The following GNAI3 variants were observed in gnomAD, a reference collection of about 807,000 sequenced individuals.
The protein encoded by GNAI3 is G protein subunit alpha i3.
In GNAI3, 12 loss-of-function variants were observed where a neutral mutation model predicts 41.8. The ratio of observed to expected loss-of-function variants is 0.29; its 90% CI spans 0.18 to 0.47. The LOEUF is 0.47. GNAI3 is among the 20% of genes least tolerant of loss of function. The probability of loss-of-function intolerance (pLI) is 1.00; values close to 1 mark genes in which losing one functional copy is unlikely to be tolerated. For synonymous variants in GNAI3, 132 were observed against 146.5 expected (o/e 0.90, Z 0.71); for missense variants, 360 against 429.6 (o/e 0.84, Z 1.43).
Position 109,595,392 on chromosome 1 carries a change from A to AT in GNAI3, c.*3071dup, listed in dbSNP as rs1398656823. Reference sequence around the variant, plus strand: ...ATTCTAAATCTCTAGTTCACAGTGAATCGTTTTTTAAATTTTTACTGATGG... The same window carrying AT: ...ATTCTAAATCTCTAGTTCACAGTGAATTCGTTTTTTAAATTTTTACTGATGG... On this transcript the variant is annotated 3_prime_UTR_variant, in exon 9 of 9. Coordinates refer to ENST00000369851, the MANE Select transcript of GNAI3 (RefSeq NM_006496.4). The AT allele has an allele frequency of 2.6e-5, 4 of 152,206 alleles. No homozygotes were observed. In the East Asian group the frequency reaches 5.8e-4, roughly 22 times the overall value. The allele number at this position is 152,206 out of a possible 1,614,324, so 9.4% of individuals were successfully genotyped here. A position where few individuals can be genotyped will look rare whatever the true frequency, so the allele number is the denominator to read the frequency against.
intron 5 of GNAI3, 145 bp downstream of exon 5, chr1:109,582,710 A>C (rs577957303): frequency 1.9e-6 from 1 of 524,804 alleles, no homozygotes; most frequent in East Asian, 3.0e-5. Flanking sequence ...TGAATATTTT[A>C]ACTGAATGGG....
chr1:109,548,992 G>T (rs1396860614), intron 1 of GNAI3, among the ~76,000 whole-genome samples, 154 bp downstream of exon 1: 1 of 151,408 alleles, frequency 6.6e-6, no homozygotes, highest in Non-Finnish European at 1.5e-5. Context: ...CCTAGCTGAG[G>T]CCCCAGAGGG....
chr1:109,590,325 A>G (rs990045630), intron 7 of GNAI3, among the ~76,000 whole-genome samples: 1 of 152,220 alleles, frequency 6.6e-6, no homozygotes, highest in Admixed American at 6.5e-5. Flanking sequence ...AGAGCCTTTA[A>G]TATCATTTCC....
intron 4 of GNAI3, among the ~76,000 whole-genome samples, chr1:109,580,858 CTG>C (rs1382874251): frequency 1.3e-5 from 2 of 152,214 alleles, no homozygotes; most frequent in Non-Finnish European, 2.9e-5. Context: ...CAGCACATGA[CTG>C]TATTTGAAAA....
intron 1 of GNAI3, among the ~76,000 whole-genome samples, chr1:109,557,944 A>G (rs1178726413): frequency 1.3e-5 from 2 of 152,190 alleles, no homozygotes; most frequent in Non-Finnish European, 2.9e-5. Context: ...ATGTTTAATA[A>G]AGAGATGACA....
rs1186212079 is a variant in GNAI3, at chr1:109,586,282, A to G, written c.657A>G (p.Thr219=). The G allele has an allele frequency of 1.9e-6, 3 of 1,613,424 alleles. No homozygotes were observed. The highest frequency in any genetic ancestry group is 1.3e-5 in the African/African-American group (1 of 75,038). Residue 219 remains threonine (T), a synonymous_variant, in exon 6 of 9, where the codon ACA becomes ACG. Transcript: ENST00000369851. ...GGATTCACTGTTTTGAGGGAGTGACAGCAATTATCTTCTGTGTGGCCCTCA... is the reference window on the plus strand; with the variant it reads ...GGATTCACTGTTTTGAGGGAGTGACGGCAATTATCTTCTGTGTGGCCCTCA... ...KKWIHCFEGV[T]AIIFCVALSD...
chr1:109,565,250 C>CA (rs527332111), intron 1 of GNAI3, among the ~76,000 whole-genome samples: 9,399 of 80,948 alleles, frequency 0.12, 767 homozygotes, highest in African/African-American at 0.29. Flanking sequence ...GACTCCGTCT[C>CA]AAAAAAAAAA....
Position 109,573,726 on chromosome 1 carries a change from T to G in GNAI3, c.119-11T>G. ...CCGAGAAATTCAAAGTCTGGTTTTC[T>G]TTTCTTACAGGTGCTGGAGAATCTG... On this transcript the variant is annotated splice_polypyrimidine_tract_variant and intron_variant, in intron 1 of 8. Coordinates refer to ENST00000369851, the MANE Select transcript of GNAI3 (RefSeq NM_006496.4). 1 of 1,599,934 alleles carries G rather than the reference T, an allele frequency of 6.3e-7. No homozygotes were observed. The highest frequency in any genetic ancestry group is 8.6e-7 in the Non-Finnish European group (1 of 1,167,328).
intron 1 of GNAI3, among the ~76,000 whole-genome samples, chr1:109,556,906 A>T (rs1648168539): frequency 6.6e-6 from 1 of 152,196 alleles, no homozygotes; most frequent in Non-Finnish European, 1.5e-5. Flanking sequence ...ACATTTTAAA[A>T]ATCTCAGACT....
At chr1:109,571,920 A>G (rs1557906972) in intron 1 of GNAI3, among the ~76,000 whole-genome samples, 1 of 151,908 alleles carries the variant, frequency 6.6e-6, no homozygotes. Flanking sequence ...TCTGTCTCCA[A>G]AAAATAAAGA....
chr1:109,587,292 A>G (rs1649052669), intron 7 of GNAI3, among the ~76,000 whole-genome samples: 1 of 152,208 alleles, frequency 6.6e-6, no homozygotes, highest in African/African-American at 2.4e-5. Context: ...TGTTGAAGAA[A>G]ATACAAGGGT....
chr1:109,599,689 C>G lies in GNAI3; in HGVS notation c.*7367C>G, dbSNP rs2101118202. ...ATTTTACCTTCAACAAACAAGCAAACTTAGTTATATTTTTGTGATTTTATG... is the reference window on the plus strand; with the variant it reads ...ATTTTACCTTCAACAAACAAGCAAAGTTAGTTATATTTTTGTGATTTTATG... On this transcript the variant is annotated 3_prime_UTR_variant, in exon 9 of 9. Transcript: ENST00000369851. 1 of 152,226 alleles carries G rather than the reference C, an allele frequency of 6.6e-6. No homozygotes were observed. Among genetic ancestry groups the G allele is most frequent in the Admixed American group, 6.5e-5 (1 of 15,292 alleles). The allele number at this position is 152,226 out of a possible 1,614,324, so 9.4% of individuals were successfully genotyped here. A position where few individuals can be genotyped will look rare whatever the true frequency, so the allele number is the denominator to read the frequency against.
chr1:109,586,945 C>A, intron 7 of GNAI3, 63 bp downstream of exon 7: 2 of 1,133,790 alleles, frequency 1.8e-6, no homozygotes, highest in Non-Finnish European at 2.6e-6. Context: ...ACTTTGGTGG[C>A]ATTCATAAAA....
chr1:109,587,147 G>C (rs1187109277), intron 7 of GNAI3, among the ~76,000 whole-genome samples: 1 of 152,084 alleles, frequency 6.6e-6, no homozygotes, highest in Admixed American at 6.5e-5. Context: ...TTTGGGAGCT[G>C]GGCATGGTGG....
intron 3 of GNAI3, among the ~76,000 whole-genome samples, chr1:109,577,279 T>G (rs1648773158): frequency 2.3e-5 from 3 of 130,988 alleles, no homozygotes; most frequent in Admixed American, 1.5e-4. Flanking sequence ...GTTTTTTTTG[T>G]TTTTTTTTTT....
chr1:109,589,545 CAG>C (rs1322296585), intron 7 of GNAI3, among the ~76,000 whole-genome samples: 2 of 152,028 alleles, frequency 1.3e-5, no homozygotes, highest in Non-Finnish European at 2.9e-5. Context: ...CATTAAAAAA[CAG>C]ATGTAATTGA....
chr1:109,561,441 A>ACTT (rs1648306207), intron 1 of GNAI3, among the ~76,000 whole-genome samples: 1 of 152,174 alleles, frequency 6.6e-6, no homozygotes, highest in East Asian at 1.9e-4. Flanking sequence ...TGTTAACTAA[A>ACTT]CTTCACATTT....
intron 1 of GNAI3, among the ~76,000 whole-genome samples, chr1:109,552,558 G>A (rs1648006229): frequency 6.6e-6 from 1 of 152,032 alleles, no homozygotes; most frequent in African/African-American, 2.4e-5. Context: ...ACCAGTGTGA[G>A]CCACTGTGCC....
chr1:109,572,207 G>C (rs1648621006), intron 1 of GNAI3, among the ~76,000 whole-genome samples: 1 of 152,066 alleles, frequency 6.6e-6, no homozygotes, highest in Non-Finnish European at 1.5e-5. Context: ...CTACTCAGGA[G>C]GCTGAGGCAG....
Sources: allele counts gnomAD v4.1 joint callset (sites outside exome capture counted in the v4.1 genomes callset), GRCh38; gene constraint gnomAD v4.1.1; transcripts MANE v1.5; gene names NCBI Gene and HGNC (gene_info 2026-07-23, HGNC 2026-07-21).